RASA2: variants seen among roughly 807,000 people sequenced by gnomAD.
The protein encoded by RASA2 is ras GTPase-activating protein 2.
Under a neutral mutation model 118.2 loss-of-function variants are expected in RASA2, and 155 were observed. The ratio of observed to expected loss-of-function variants is 1.31; its 90% CI spans 1.15 to 1.50. The LOEUF is 1.50. Ranked by LOEUF, RASA2 falls within the 40% of genes most tolerant of loss-of-function variation. The probability of loss-of-function intolerance (pLI) is 0.00; values close to 1 mark genes in which losing one functional copy is unlikely to be tolerated. For synonymous variants in RASA2, 353 were observed against 349.1 expected, an observed-to-expected ratio of 1.01 and a Z score of -0.12; for missense variants, 1,016 against 1,009.6, an observed-to-expected ratio of 1.01 and a Z score of -0.09.
intron 19 of RASA2, among the ~76,000 whole-genome samples, chr3:141,603,358 G>A (rs1222489548): frequency 6.6e-6 from 1 of 152,030 alleles, no homozygotes. Context: ...ATCACCTGAG[G>A]TCAGGAGTTC....
At chr3:141,527,540 T>C (rs754105478) in intron 3 of RASA2, among the ~76,000 whole-genome samples, 3 of 152,238 alleles carry the variant, frequency 2.0e-5, no homozygotes, top group East Asian at 1.9e-4. Flanking sequence ...CAAACTGTTA[T>C]GCATTGCCTT....
At chr3:141,512,348 G>A (rs149860980) in intron 2 of RASA2, 68 bp downstream of exon 2, 360 of 1,116,668 alleles carry the variant, frequency 3.2e-4, no homozygotes, top group Non-Finnish European at 4.3e-4. Flanking sequence ...GCATTTTCCA[G>A]ATTATAATAA....
At position 141,613,578 on chromosome 3, in the gene RASA2, A is replaced by G. The variant is rs2083684755; in HGVS notation, c.*1265A>G. 1 of 152,046 alleles carries G rather than the reference A, an allele frequency of 6.6e-6. No individual in the cohort carries two copies. The highest frequency in any genetic ancestry group is 1.5e-5 in the Non-Finnish European group (1 of 67,994). 9.4% of individuals were successfully genotyped at this position (152,046 alleles called of 1,614,324 possible). A position where few individuals can be genotyped will look rare whatever the true frequency, so the allele number is the denominator to read the frequency against. ...TATTTTGTCTTTTTTAATTCAAAAC[A>G]TTTTCTAAATGTGGTACTTTGAACC... is the stretch of plus-strand genomic sequence containing the variant. On this transcript the variant is annotated 3_prime_UTR_variant, in exon 24 of 24. Coordinates refer to ENST00000286364, the MANE Select transcript of RASA2 (RefSeq NM_006506.5).
chr3:141,567,508 C>T (rs936809833), intron 9 of RASA2, among the ~76,000 whole-genome samples: 2 of 152,100 alleles, frequency 1.3e-5, no homozygotes, highest in African/African-American at 4.8e-5. Flanking sequence ...ATATTGACAA[C>T]ATTTAAAATG....
At chr3:141,525,782 G>A (rs1335943338) in intron 3 of RASA2, 3 of 151,418 alleles carry the variant, frequency 2.0e-5, no homozygotes, top group Non-Finnish European at 2.9e-5. Flanking sequence ...ACTCCATCCT[G>A]GGCAGCAGAG....
intron 19 of RASA2, chr3:141,590,073 A>T (rs2083265485): frequency 4.4e-6 from 2 of 453,076 alleles, no homozygotes; most frequent in Non-Finnish European, 4.4e-6. Context: ...TTTTGTTTTA[A>T]CTATTTTGAT....
At chr3:141,555,220 A>C (rs1577727752) in intron 6 of RASA2, among the ~76,000 whole-genome samples, 1 of 152,192 alleles carries the variant, frequency 6.6e-6, no homozygotes, top group East Asian at 1.9e-4. Context: ...AGATTGTGCC[A>C]TTGCACTCCA....
intron 3 of RASA2, among the ~76,000 whole-genome samples, chr3:141,519,646 A>AT (rs2082081443): frequency 6.6e-6 from 1 of 152,052 alleles, no homozygotes; most frequent in African/African-American, 2.4e-5. Flanking sequence ...ATGGTGGTGT[A>AT]TTTTTTTAGA....
chr3:141,577,065 G>T lies in RASA2; in HGVS notation c.1549G>T (p.Val517Leu), dbSNP rs201190266. The stretch of plus-strand genomic sequence containing the variant: ...ATTTCTTCGTTTCTTTGCTGTAGCC[G>T]TAGTATCACCTCATACTTTTCATTT... ...FVFLRFFAVAVVSPHTFHLRP... is the reference protein window; with the variant it reads ...FVFLRFFAVALVSPHTFHLRP... Residue 517 changes from valine (V) to leucine (L), a missense_variant, in exon 15 of 24, where the codon GTA becomes TTA. By Grantham distance (32) the Val-to-Leu change is conservative. Around this residue, in one of 2 missense-constraint regions of RASA2, gnomAD observed 896 missense variants for 836.4 expected, o/e 1.07. Transcript: ENST00000286364. 821 of 1,610,776 alleles carry T rather than the reference G, an allele frequency of 5.1e-4. No homozygotes were observed. Among genetic ancestry groups the T allele is most frequent in the Non-Finnish European group, 6.4e-4 (751 of 1,178,028 alleles).
chr3:141,525,636 T>A (rs1490429649), intron 3 of RASA2: 1 of 151,972 alleles, frequency 6.6e-6, no homozygotes, highest in Non-Finnish European at 1.5e-5. Flanking sequence ...TGAAAACCCA[T>A]CTCTACAAAA....
At chr3:141,555,807 T>C in intron 6 of RASA2, 33 bp from the exon 7 acceptor site, 1 of 1,572,178 alleles carries the variant, frequency 6.4e-7, no homozygotes, top group Non-Finnish European at 8.7e-7. Flanking sequence ...ACTGTTAAGT[T>C]CTACAAGGTA....
chr3:141,582,908 C>T (rs887441922), intron 17 of RASA2, among the ~76,000 whole-genome samples: 1 of 152,268 alleles, frequency 6.6e-6, no homozygotes, highest in Middle Eastern at 3.4e-3. Flanking sequence ...CTGGATAGTT[C>T]TATAAACAAG....
At chr3:141,577,707 A>G (rs1044542133) in intron 15 of RASA2, among the ~76,000 whole-genome samples, 1 of 152,190 alleles carries the variant, frequency 6.6e-6, no homozygotes, top group Admixed American at 6.5e-5. Context: ...CCAAGAATGC[A>G]GTATAGTGAA....
At chr3:141,580,086 ATATATATATATATAT>A (rs1467668057) in intron 15 of RASA2, among the ~76,000 whole-genome samples, 70 of 51,390 alleles carry the variant, frequency 1.4e-3, no homozygotes, top group Non-Finnish European at 2.1e-3. Context: ...AAAAAAAAAA[ATATATATATATATAT>A]ATATATATAT....
chr3:141,574,211 A>C, intron 14 of RASA2, 144 bp downstream of exon 14: 1 of 502,352 alleles, frequency 2.0e-6, no homozygotes. Flanking sequence ...TTTTTTTGAG[A>C]CGGAGTCTTG....
At chr3:141,585,282 T>C (rs1412130832) in intron 17 of RASA2, among the ~76,000 whole-genome samples, 1 of 152,162 alleles carries the variant, frequency 6.6e-6, no homozygotes, top group African/African-American at 2.4e-5. Flanking sequence ...TTAATTCTTA[T>C]AGCACAGTAT....
At chr3:141,595,471 T>C (rs1323907821) in intron 19 of RASA2, among the ~76,000 whole-genome samples, 2 of 152,154 alleles carry the variant, frequency 1.3e-5, no homozygotes, top group African/African-American at 4.8e-5. Flanking sequence ...AAAACAACTT[T>C]TACCAAATAT....
chr3:141,611,423 A>G (rs1423517732), intron 23 of RASA2, among the ~76,000 whole-genome samples: 6 of 152,206 alleles, frequency 3.9e-5, no homozygotes, highest in Non-Finnish European at 8.8e-5. Flanking sequence ...ATGGCTACCC[A>G]GTGGTAGAGC....
chr3:141,555,703 A>C, intron 6 of RASA2, 137 bp from the exon 7 acceptor site: 1 of 652,252 alleles, frequency 1.5e-6, no homozygotes, highest in Admixed American at 3.0e-5. Flanking sequence ...CTTTTTTCCA[A>C]GCAATATTTA....
Sources: allele counts gnomAD v4.1 joint callset (sites outside exome capture counted in the v4.1 genomes callset), GRCh38; gene constraint gnomAD v4.1.1; regional missense constraint gnomAD v4.1.1; transcripts MANE v1.5; gene names NCBI Gene and HGNC (gene_info 2026-07-23, HGNC 2026-07-21).